Variants in CSMD1 observed in about 807,000 individuals in gnomAD.
The protein encoded by CSMD1 is CUB and sushi domain-containing protein 1.
Under a neutral mutation model 417.5 loss-of-function variants are expected in CSMD1, and 213 were observed. The observed-to-expected ratio is 0.51, with a 90% CI of 0.46 to 0.57. The LOEUF is 0.57. Among genes scored for constraint, CSMD1 ranks in the 20% least tolerant of loss-of-function variants. The pLI, the probability that CSMD1 is intolerant of heterozygous loss-of-function variation, is 0.00. For missense variants in CSMD1, 6,923 were observed against 4,529.7 expected (o/e 1.53, Z -15.17); for synonymous variants, 2,862 against 1,736.8 (o/e 1.65, Z -16.11).
At chr8:3,537,156 A>G (rs1798237090) in intron 10 of CSMD1, among the ~76,000 whole-genome samples, 1 of 152,016 alleles carries the variant, frequency 6.6e-6, no homozygotes, top group South Asian at 2.1e-4. Context: ...GGTGCCCGCC[A>G]CCACGCCCAG....
chr8:3,681,842 G>C (rs1027614029), intron 7 of CSMD1, among the ~76,000 whole-genome samples: 62 of 152,106 alleles, frequency 4.1e-4, no homozygotes, highest in Non-Finnish European at 1.0e-4. Flanking sequence ...CCAAAACAGA[G>C]ATATAGACCA....
chr8:4,365,386 G>A (rs1461604812), intron 3 of CSMD1, among the ~76,000 whole-genome samples: 2 of 152,040 alleles, frequency 1.3e-5, no homozygotes, highest in African/African-American at 2.4e-5. Context: ...CTGTATTTTA[G>A]GTGTTCTTTT....
intron 11 of CSMD1, among the ~76,000 whole-genome samples, chr8:3,483,572 T>C (rs567675003): frequency 3.0e-4 from 46 of 152,196 alleles, no homozygotes; most frequent in African/African-American, 1.1e-3. Context: ...CGTCAAGATT[T>C]CATAAACTCT....
chr8:3,696,793 A>T (rs977501410), intron 7 of CSMD1, among the ~76,000 whole-genome samples: 34 of 152,210 alleles, frequency 2.2e-4, no homozygotes, highest in African/African-American at 7.5e-4. Context: ...TTTCTAAAAT[A>T]TATTTCTTCT....
chr8:4,218,290 G>C (rs1327568137), intron 3 of CSMD1, among the ~76,000 whole-genome samples: 2 of 152,148 alleles, frequency 1.3e-5, no homozygotes, highest in African/African-American at 2.4e-5. Flanking sequence ...ATCCAAGTTT[G>C]ACTTTCCTAT....
chr8:3,156,395 C>G (rs995984851), intron 39 of CSMD1, among the ~76,000 whole-genome samples: 4 of 152,228 alleles, frequency 2.6e-5, no homozygotes, highest in African/African-American at 7.2e-5. Context: ...TCTTGAGTGT[C>G]TACCATGTGC....
intron 40 of CSMD1, among the ~76,000 whole-genome samples, chr8:3,144,198 G>C (rs1014699072): frequency 2.6e-5 from 4 of 152,116 alleles, no homozygotes; most frequent in Non-Finnish European, 4.4e-5. Flanking sequence ...TAGATGTTCT[G>C]TCTCATGTCA....
At chr8:3,378,340 T>C (rs1810440294) in intron 18 of CSMD1, among the ~76,000 whole-genome samples, 2 of 152,182 alleles carry the variant, frequency 1.3e-5, no homozygotes, top group South Asian at 4.1e-4. Context: ...GCTGGTACCA[T>C]TCCTTCTGAA....
Position 4,896,190 on chromosome 8 carries a change from T to C in CSMD1, c.85+98142A>G, listed in dbSNP as rs542221913. 6.6e-5 allele frequency among the ~76,000 whole-genome samples: 10 copies of C among 152,202 alleles called. No homozygotes were observed. In the East Asian group the frequency reaches 1.2e-3, roughly 18 times the overall value. On this transcript the variant is annotated intron_variant, in intron 1 of 69. Transcript: ENST00000635120. ...TTTCCTTTGTCTTTCATATTCAGCATGGCTTTTGTGAAGTGTCTTGTCAGT... is the reference window on the plus strand; with the variant it reads ...TTTCCTTTGTCTTTCATATTCAGCACGGCTTTTGTGAAGTGTCTTGTCAGT...
At chr8:3,827,081 TAG>T (rs1243574635) in intron 5 of CSMD1, among the ~76,000 whole-genome samples, 1 of 152,218 alleles carries the variant, frequency 6.6e-6, no homozygotes, top group African/African-American at 2.4e-5. Flanking sequence ...CAAGCCAGCC[TAG>T]AAACAATATC....
chr8:3,278,178 GAAGA>G (rs968886022), intron 26 of CSMD1, among the ~76,000 whole-genome samples: 2 of 152,112 alleles, frequency 1.3e-5, no homozygotes, highest in African/African-American at 4.8e-5. Context: ...AAAAACAACT[GAAGA>G]AAGAGTTTCC....
At chr8:2,991,870 A>G (rs1259156423) in intron 54 of CSMD1, among the ~76,000 whole-genome samples, 1 of 152,232 alleles carries the variant, frequency 6.6e-6, no homozygotes, top group Non-Finnish European at 1.5e-5. Flanking sequence ...ACAAAGAAGC[A>G]GTGGGTACAA....
At chr8:3,498,925 A>C (rs1315335853) in intron 10 of CSMD1, among the ~76,000 whole-genome samples, 2 of 152,076 alleles carry the variant, frequency 1.3e-5, no homozygotes, top group Non-Finnish European at 2.9e-5. Context: ...GTCTATTTTT[A>C]TTCTACTGAT....
intron 1 of CSMD1, among the ~76,000 whole-genome samples, chr8:4,755,371 C>A (rs1161742126): frequency 1.3e-5 from 2 of 152,140 alleles, no homozygotes; most frequent in South Asian, 4.1e-4. Context: ...TTAGCTATAA[C>A]CTTCAAAGTG....
intron 8 of CSMD1, among the ~76,000 whole-genome samples, chr8:3,588,091 A>C (rs890211969): frequency 2.0e-5 from 3 of 150,348 alleles, no homozygotes; most frequent in African/African-American, 7.6e-5. Flanking sequence ...CTTTTAAAAA[A>C]TTGTTATATC....
chr8:4,054,928 A>C (rs1374486952), intron 3 of CSMD1, among the ~76,000 whole-genome samples: 5 of 152,134 alleles, frequency 3.3e-5, no homozygotes, highest in African/African-American at 1.2e-4. Flanking sequence ...TTCTCTTTTA[A>C]ATCAATAAAG....
At chr8:4,982,797 G>A (rs1049860068) in intron 1 of CSMD1, among the ~76,000 whole-genome samples, 24 of 152,204 alleles carry the variant, frequency 1.6e-4, no homozygotes, top group Admixed American at 4.6e-4. Flanking sequence ...TTTCAGTTCC[G>A]TAGACGCCTC....
At chr8:3,461,422 G>C (rs1447968352) in intron 12 of CSMD1, among the ~76,000 whole-genome samples, 1 of 152,206 alleles carries the variant, frequency 6.6e-6, no homozygotes, top group Admixed American at 6.5e-5. Flanking sequence ...TGCTGTGTCA[G>C]TCCCCAGAGG....
At chr8:3,329,714 G>A (rs776682052) in intron 23 of CSMD1, among the ~76,000 whole-genome samples, 2 of 152,154 alleles carry the variant, frequency 1.3e-5, no homozygotes, top group African/African-American at 4.8e-5. Context: ...TGGGCCTGCA[G>A]GACCAGTGCT....
Sources: allele counts gnomAD v4.1 joint callset (sites outside exome capture counted in the v4.1 genomes callset), GRCh38; gene constraint gnomAD v4.1.1; transcripts MANE v1.5; gene names NCBI Gene and HGNC (gene_info 2026-07-23, HGNC 2026-07-21).